Variants in DDC observed in about 807,000 individuals in gnomAD.
DDC encodes the protein dopa decarboxylase, also known as aromatic-L-amino-acid decarboxylase.
DDC carries 43 observed loss-of-function variants against 60.0 expected under a neutral mutation model. The ratio of observed to expected loss-of-function variants is 0.72; its 90% CI spans 0.56 to 0.92. The LOEUF (loss-of-function observed/expected upper bound fraction) is 0.92, where lower values mean the gene tolerates loss of function less well. Ranked by LOEUF, DDC falls within the 40% of genes least tolerant of loss-of-function variation. The probability of loss-of-function intolerance (pLI) is 0.00; values close to 1 mark genes in which losing one functional copy is unlikely to be tolerated. For synonymous variants in DDC, 232 were observed against 234.6 expected, an observed-to-expected ratio of 0.99 and a Z score of 0.10; for missense variants, 573 against 620.2, an observed-to-expected ratio of 0.92 and a Z score of 0.81.
At chr7:50,468,962 C>T (rs116447241) in intron 12 of DDC, among the ~76,000 whole-genome samples, 1,534 of 123,090 alleles carry the variant, frequency 0.012, 34 homozygotes, top group African/African-American at 0.043. Context: ...TTTGGTGAGA[C>T]GGAGTCTTGC....
intron 12 of DDC, among the ~76,000 whole-genome samples, chr7:50,468,710 C>T (rs1348471423): frequency 6.6e-6 from 1 of 152,124 alleles, no homozygotes; most frequent in Non-Finnish European, 1.5e-5. Flanking sequence ...GAAGTGGCAA[C>T]AGGACTTAAA....
rs35591152 is a variant in DDC, at chr7:50,490,637, C to G, written c.944+4713G>C. ...GTGAGCTGAGATCATGCCACTGAGC[C>G]GAGATCATGCCACTGCACTCCAGCC... On this transcript the variant is annotated intron_variant, in intron 9 of 14. Transcript: ENST00000444124. Among the ~76,000 whole-genome samples the G allele has an allele frequency of 3.3e-5, 5 of 151,714 alleles. No homozygotes were observed. In the South Asian group the frequency reaches 1.0e-3, roughly 31 times the overall value.
intron 6 of DDC, among the ~76,000 whole-genome samples, chr7:50,504,457 A>G (rs138052521): frequency 6.6e-6 from 1 of 151,672 alleles, no homozygotes; most frequent in East Asian, 1.9e-4. Flanking sequence ...TTTTTGTTAA[A>G]TTTTAATTAA....
intron 9 of DDC, among the ~76,000 whole-genome samples, chr7:50,491,147 T>A (rs1453743192): frequency 6.6e-6 from 1 of 152,252 alleles, no homozygotes; most frequent in Non-Finnish European, 1.5e-5. Context: ...GCTATGCTTT[T>A]CTTAAAGCCC....
intron 6 of DDC, among the ~76,000 whole-genome samples, chr7:50,523,596 T>G (rs1273842451): frequency 1.3e-5 from 2 of 152,072 alleles, no homozygotes; most frequent in Non-Finnish European, 2.9e-5. Context: ...TATTACAGAA[T>G]TTTCAAGTAA....
intron 1 of DDC, among the ~76,000 whole-genome samples, chr7:50,561,477 G>A (rs1296637317): frequency 6.6e-6 from 1 of 152,260 alleles, no homozygotes; most frequent in East Asian, 1.9e-4. Flanking sequence ...TGTGATACCC[G>A]GGAGGCTCAG....
intron 9 of DDC, among the ~76,000 whole-genome samples, chr7:50,488,494 A>T (rs2042932223): frequency 2.0e-5 from 3 of 149,266 alleles, no homozygotes; most frequent in African/African-American, 7.3e-5. Flanking sequence ...ATGTTGTGTG[A>T]TATATTTTTT....
chr7:50,510,612 T>C (rs2043531659), intron 6 of DDC, among the ~76,000 whole-genome samples: 1 of 144,284 alleles, frequency 6.9e-6, no homozygotes, highest in Non-Finnish European at 1.5e-5. Context: ...GTGGTTGCAG[T>C]GAGCTGAGAT....
chr7:50,503,620 G>A (rs1043467376), intron 7 of DDC, among the ~76,000 whole-genome samples: 1 of 152,206 alleles, frequency 6.6e-6, no homozygotes, highest in African/African-American at 2.4e-5. Flanking sequence ...TTAAATTCAA[G>A]TGTGGACAAT....
At chr7:50,470,711 T>A (rs1364204919) in intron 11 of DDC, among the ~76,000 whole-genome samples, 1 of 152,132 alleles carries the variant, frequency 6.6e-6, no homozygotes, top group East Asian at 1.9e-4. Context: ...AGACCCCTCA[T>A]CAGAAGACAC....
At chr7:50,459,192 C>T (rs1011514557) in intron 14 of DDC, among the ~76,000 whole-genome samples, 7 of 152,360 alleles carry the variant, frequency 4.6e-5, no homozygotes, top group Non-Finnish European at 1.0e-4. Context: ...CTCCAAACTG[C>T]GAGTGATCCG....
chr7:50,479,759 G>C (rs1456585921), intron 10 of DDC, 28 bp downstream of exon 10: 1 of 1,604,076 alleles, frequency 6.2e-7, no homozygotes, highest in Admixed American at 1.7e-5. Flanking sequence ...ACCAGAAACA[G>C]TCCACAGAAA....
chr7:50,564,755 T>C (rs934399471), intron 1 of DDC, among the ~76,000 whole-genome samples: 3 of 152,148 alleles, frequency 2.0e-5, no homozygotes, highest in Non-Finnish European at 4.4e-5. Flanking sequence ...TCACACTGCA[T>C]AGGTAGACAC....
chr7:50,517,858 T>C (rs1188045514), intron 6 of DDC, among the ~76,000 whole-genome samples: 1 of 134,346 alleles, frequency 7.4e-6, no homozygotes, highest in Non-Finnish European at 1.6e-5. Flanking sequence ...CTTAGGAATA[T>C]ACCTAACCAA....
intron 6 of DDC, among the ~76,000 whole-genome samples, chr7:50,509,316 A>G (rs1290455833): frequency 2.0e-5 from 3 of 152,224 alleles, no homozygotes; most frequent in Admixed American, 2.0e-4. Flanking sequence ...ATTCCAACAG[A>G]GGCATATTAA....
chr7:50,506,823 A>G (rs912914089), intron 6 of DDC, among the ~76,000 whole-genome samples: 10 of 152,202 alleles, frequency 6.6e-5, no homozygotes, highest in African/African-American at 2.4e-4. Context: ...GCATACCTCA[A>G]TGTTTCTCCT....
intron 6 of DDC, among the ~76,000 whole-genome samples, chr7:50,526,901 T>C (rs1035372525): frequency 2.0e-5 from 3 of 152,198 alleles, no homozygotes; most frequent in Non-Finnish European, 4.4e-5. Flanking sequence ...TAAACGATCA[T>C]TCACCAGGGA....
intron 13 of DDC, 110 bp downstream of exon 13, chr7:50,467,104 C>G: frequency 9.9e-7 from 1 of 1,015,070 alleles, no homozygotes; most frequent in Non-Finnish European, 1.5e-6. Flanking sequence ...AGGCTTTGCT[C>G]TGCCATCTCT....
chr7:50,531,005 T>C (rs10244632), intron 4 of DDC, among the ~76,000 whole-genome samples: 101,080 of 152,098 alleles, frequency 0.66, 34,411 homozygotes, highest in East Asian at 0.8. Flanking sequence ...TATTGAAAGA[T>C]AAATACATTT....
Sources: allele counts gnomAD v4.1 joint callset (sites outside exome capture counted in the v4.1 genomes callset), GRCh38; gene constraint gnomAD v4.1.1; transcripts MANE v1.5; gene names NCBI Gene and HGNC (gene_info 2026-07-23, HGNC 2026-07-21).